Variants in AKR1D1 observed in about 807,000 individuals in gnomAD.
The protein encoded by AKR1D1 is delta(4)-3-ketosteroid 5-beta-reductase.
In AKR1D1, 32 loss-of-function variants were observed where a neutral mutation model predicts 42.6. The observed-to-expected ratio is 0.75, with a 90% confidence interval of 0.57 to 1.01. The LOEUF is 1.01. AKR1D1 is among the 50% of genes least tolerant of loss of function. The pLI is 0.00. For missense variants in AKR1D1, 364 were observed against 402.2 expected (o/e 0.91, Z 0.81); for synonymous variants, 123 against 135.5 (o/e 0.91, Z 0.64).
intron 8 of AKR1D1, among the ~76,000 whole-genome samples, chr7:138,115,022 C>A (rs10230440): frequency 0.019 from 2,823 of 150,950 alleles, 94 homozygotes; most frequent in African/African-American, 0.066. Context: ...GGCACCACCA[C>A]CCAACCTCAA....
At chr7:138,082,669 A>T (rs963023389) in intron 1 of AKR1D1, among the ~76,000 whole-genome samples, 1 of 152,328 alleles carries the variant, frequency 6.6e-6, no homozygotes. Context: ...GATTATAGGC[A>T]TGAGCCACCA....
intron 3 of AKR1D1, among the ~76,000 whole-genome samples, chr7:138,094,309 G>A (rs774070210): frequency 4.5e-4 from 69 of 152,158 alleles, no homozygotes; most frequent in Non-Finnish European, 6.9e-4. Context: ...GAGTCCAGGA[G>A]TTTGAGACAA....
rs61290940 is a variant in AKR1D1, at chr7:138,117,757, T to G, written c.*1095T>G. 1.3e-5 allele frequency: 2 copies of G among 152,174 alleles called. No individual in the cohort carries two copies. Among genetic ancestry groups the G allele is most frequent in the African/African-American group, 2.4e-5 (1 of 41,424 alleles). 9.4% of individuals were successfully genotyped at this position (152,174 alleles called of 1,614,324 possible). Reference sequence around the variant, plus strand: ...TTTATTGGCCGGGTGCGGTGGCTCATGCCTATAATCCCAGCACTTTGGGAG... The same window carrying G: ...TTTATTGGCCGGGTGCGGTGGCTCAGGCCTATAATCCCAGCACTTTGGGAG... On this transcript the variant is annotated 3_prime_UTR_variant, in exon 9 of 9. Coordinates refer to ENST00000242375, the MANE Select transcript of AKR1D1 (RefSeq NM_005989.4).
chr7:138,103,500 A>G (rs558978465), intron 4 of AKR1D1, among the ~76,000 whole-genome samples: 15 of 152,168 alleles, frequency 9.9e-5, no homozygotes, highest in Non-Finnish European at 1.9e-4. Flanking sequence ...ATAAATCAAG[A>G]TGGTAGAAAC....
At position 138,116,817 on chromosome 7, in the gene AKR1D1, C is replaced by T. The variant is rs1794644000; in HGVS notation, c.*155C>T. ...TTTAATGTTTGTGCAGTGTAAATGA[C>T]TTTGACTCAGTCACATTGAAGTAAA... On this transcript the variant is annotated 3_prime_UTR_variant, in exon 9 of 9. Coordinates refer to ENST00000242375, the MANE Select transcript of AKR1D1 (RefSeq NM_005989.4). 1.6e-6 allele frequency: 1 copy of T among 643,024 alleles called. No homozygotes were observed. The highest frequency in any genetic ancestry group is 2.6e-6 in the Non-Finnish European group (1 of 381,900). The allele number at this position is 643,024 out of a possible 1,614,324, so 39.8% of individuals were successfully genotyped here.
intron 8 of AKR1D1, among the ~76,000 whole-genome samples, chr7:138,114,131 C>A (rs902726425): frequency 9.9e-5 from 15 of 152,098 alleles, no homozygotes; most frequent in Non-Finnish European, 2.1e-4. Context: ...AAGTGATGCA[C>A]AAATTAGAGC....
At chr7:138,114,406 C>T (rs371274264) in intron 8 of AKR1D1, among the ~76,000 whole-genome samples, 2 of 152,084 alleles carry the variant, frequency 1.3e-5, no homozygotes, top group Non-Finnish European at 2.9e-5. Context: ...TGGTGGCTCA[C>T]GCCAATACTT....
chr7:138,088,347 A>G (rs937579323), intron 1 of AKR1D1, among the ~76,000 whole-genome samples: 1 of 152,102 alleles, frequency 6.6e-6, no homozygotes, highest in African/African-American at 2.4e-5. Flanking sequence ...GGAAATATTG[A>G]TCAAATCACA....
chr7:138,104,643 G>A (rs1266372258), intron 4 of AKR1D1, among the ~76,000 whole-genome samples: 20 of 144,180 alleles, frequency 1.4e-4, no homozygotes, highest in Admixed American at 1.1e-3. Flanking sequence ...TCGTGCCATC[G>A]CACTCTAGCC....
chr7:138,082,088 C>T (rs1016559250), intron 1 of AKR1D1, among the ~76,000 whole-genome samples: 1 of 152,196 alleles, frequency 6.6e-6, no homozygotes, highest in Non-Finnish European at 1.5e-5. Flanking sequence ...TTTCAAAGGA[C>T]ACAGGGAATG....
At chr7:138,112,204 A>G (rs1441705145) in intron 7 of AKR1D1, among the ~76,000 whole-genome samples, 1 of 152,232 alleles carries the variant, frequency 6.6e-6, no homozygotes, top group African/African-American at 2.4e-5. Flanking sequence ...TCCAAGACTT[A>G]AAGGAGAGGA....
At chr7:138,112,760 A>T (rs1794559392) in intron 7 of AKR1D1, among the ~76,000 whole-genome samples, 1 of 151,248 alleles carries the variant, frequency 6.6e-6, no homozygotes, top group Non-Finnish European at 1.5e-5. Flanking sequence ...TAAAGGATAG[A>T]AAGATAAAAT....
chr7:138,082,347 G>GT (rs1803075961), intron 1 of AKR1D1, among the ~76,000 whole-genome samples: 1 of 151,404 alleles, frequency 6.6e-6, no homozygotes, highest in Non-Finnish European at 1.5e-5. Context: ...TTATTTCTTT[G>GT]TTTTTAAATT....
chr7:138,076,702 A>G, intron 1 of AKR1D1, 91 bp downstream of exon 1: 1 of 1,097,006 alleles, frequency 9.1e-7, no homozygotes, highest in Non-Finnish European at 1.4e-6. Flanking sequence ...AGCAGATCTC[A>G]TTGACTTACT....
rs754610123 is a variant in AKR1D1, at chr7:138,097,985, TA to T, written c.456+46del. 2.1e-5 allele frequency: 29 copies of T among 1,399,656 alleles called. 1 individual carries two copies. Among genetic ancestry groups the T allele is most frequent in the Admixed American group, 5.0e-5 (3 of 59,738 alleles). The allele number at this position is 1,399,656 out of a possible 1,614,324, so 86.7% of individuals were successfully genotyped here. A position where few individuals can be genotyped will look rare whatever the true frequency, so the allele number is the denominator to read the frequency against. On this transcript the variant is annotated intron_variant, in intron 4 of 8. Transcript: ENST00000242375. ...TTCTTATTTTAAAAGACGATATTTT[TA>T]AAACTGTGATCTGATTATTCCTGTC...
At chr7:138,077,158 A>G (rs758875755) in intron 1 of AKR1D1, among the ~76,000 whole-genome samples, 7 of 152,322 alleles carry the variant, frequency 4.6e-5, no homozygotes, top group African/African-American at 7.2e-5. Flanking sequence ...CTCTGAAAGC[A>G]TATGTATTGG....
At chr7:138,113,175 G>C (rs1794567332) in intron 7 of AKR1D1, among the ~76,000 whole-genome samples, 1 of 152,040 alleles carries the variant, frequency 6.6e-6, no homozygotes, top group Non-Finnish European at 1.5e-5. Flanking sequence ...AATTAGCCAG[G>C]CATGGCAAAA....
chr7:138,102,374 C>T (rs914940210), intron 4 of AKR1D1, among the ~76,000 whole-genome samples: 1 of 152,068 alleles, frequency 6.6e-6, no homozygotes, highest in African/African-American at 2.4e-5. Context: ...TCAAGACCAG[C>T]ATGGGGAACA....
intron 7 of AKR1D1, among the ~76,000 whole-genome samples, chr7:138,112,482 G>A (rs1480242940): frequency 6.6e-6 from 1 of 152,112 alleles, no homozygotes; most frequent in Non-Finnish European, 1.5e-5. Context: ...AACTATCACT[G>A]GGGTCACTAA....
Sources: allele counts gnomAD v4.1 joint callset (sites outside exome capture counted in the v4.1 genomes callset), GRCh38; gene constraint gnomAD v4.1.1; transcripts MANE v1.5; gene names NCBI Gene and HGNC (gene_info 2026-07-23, HGNC 2026-07-21).